VRK3: variants seen among roughly 807,000 people sequenced by gnomAD.
VRK3 encodes the protein serine/threonine-protein kinase VRK3.
Under a neutral mutation model 60.4 loss-of-function variants are expected in VRK3, and 50 were observed. The ratio of observed to expected loss-of-function variants is 0.83; its 90% CI spans 0.66 to 1.05. The LOEUF (loss-of-function observed/expected upper bound fraction) is 1.05. VRK3 is among the 50% of genes least tolerant of loss of function. The pLI is 0.00. For missense variants in VRK3, 549 were observed against 585.3 expected, an observed-to-expected ratio of 0.94 and a Z score of 0.64; for synonymous variants, 246 against 227.8, an observed-to-expected ratio of 1.08 and a Z score of -0.72.
At position 50,005,702 on chromosome 19, in the gene VRK3, C is replaced by T. The variant is rs115785556; in HGVS notation, c.547+1867G>A. 2.6e-4 allele frequency among the ~76,000 whole-genome samples: 39 copies of T among 149,732 alleles called. 4 individuals carry two copies. The highest frequency in any genetic ancestry group is 9.5e-4 in the African/African-American group (37 of 39,034). ...ATATCACGCAGCCATAAAAGGAGTG[C>T]GGCAGTGACGCGCCACAGCATGGAT... is the stretch of plus-strand genomic sequence containing the variant. On this transcript the variant is annotated intron_variant, in intron 5 of 14. Coordinates refer to ENST00000316763, the MANE Select transcript of VRK3 (RefSeq NM_016440.4).
chr19:50,009,803 G>C (rs1600708798), intron 3 of VRK3, among the ~76,000 whole-genome samples: 1 of 152,138 alleles, frequency 6.6e-6, no homozygotes, highest in East Asian at 1.9e-4. Context: ...CTGTAATGTT[G>C]CTAATTTTTA....
intron 4 of VRK3, 25 bp from the exon 5 acceptor site, chr19:50,007,851 T>C (rs3816033): frequency 0.2 from 318,434 of 1,612,890 alleles, 33,363 homozygotes; most frequent in East Asian, 0.33. Context: ...AAGAATAAAG[T>C]AAAAGCACCA....
chr19:49,984,493 CCTG>C (rs1342881375), intron 12 of VRK3, among the ~76,000 whole-genome samples: 2 of 152,214 alleles, frequency 1.3e-5, no homozygotes, highest in African/African-American at 4.8e-5. Flanking sequence ...ACCTGCAGCT[CCTG>C]CTTCCTGTCC....
rs762220342 is a variant in VRK3, at chr19:50,016,234, G to A, written c.-1-71C>T. ...AGGTCAGTGGAAGTATTGTTGAACT[G>A]CTCTTAATCACAGGGTGAGTGGCAG... On this transcript the variant is annotated intron_variant, in intron 2 of 14. Transcript: ENST00000316763. 2.9e-4 allele frequency: 463 copies of A among 1,586,770 alleles called. 2 individuals are homozygous for A. The highest frequency in any genetic ancestry group is 3.3e-4 in the Middle Eastern group (2 of 6,004).
chr19:50,010,828 G>A (rs527709415), intron 3 of VRK3, among the ~76,000 whole-genome samples: 14 of 152,152 alleles, frequency 9.2e-5, no homozygotes, highest in Non-Finnish European at 1.9e-4. Flanking sequence ...CAGGAGAATC[G>A]CTTGAACACG....
At chr19:50,021,005 C>T (rs2122686029) in intron 1 of VRK3, among the ~76,000 whole-genome samples, 1 of 152,326 alleles carries the variant, frequency 6.6e-6, no homozygotes, top group South Asian at 2.1e-4. Context: ...GGTCACTATT[C>T]ACACAGGGTG....
intron 5 of VRK3, among the ~76,000 whole-genome samples, chr19:50,004,016 C>G (rs1438707445): frequency 6.6e-6 from 1 of 152,224 alleles, no homozygotes; most frequent in Non-Finnish European, 1.5e-5. Context: ...GCCTGGCCAA[C>G]ATAGTGAGAT....
chr19:49,989,740 C>A lies in VRK3; in HGVS notation c.995G>T (p.Arg332Leu). Reference sequence around the variant, plus strand: ...CACGTGTTTGCCACTTGGGCAATAGCGGAAGGCGAAGCCATAGCCTGCCAA... The same window carrying A: ...CACGTGTTTGCCACTTGGGCAATAGAGGAAGGCGAAGCCATAGCCTGCCAA... ...VTLAGYGFAFRYCPSGKHVAY... is the reference protein window; with the variant it reads ...VTLAGYGFAFLYCPSGKHVAY... The change falls in exon 11 of 15, where the codon CGC (arginine) becomes CTC (leucine). Residue 332 changes from arginine (R) to leucine (L), a missense_variant. Coordinates refer to ENST00000316763, the MANE Select transcript of VRK3 (RefSeq NM_016440.4). 2.5e-6 allele frequency: 4 copies of A among 1,612,784 alleles called. No individual in the cohort carries two copies. The highest frequency in any genetic ancestry group is 3.4e-6 in the Non-Finnish European group (4 of 1,179,398).
chr19:50,003,612 T>C (rs1376490467), intron 5 of VRK3, among the ~76,000 whole-genome samples: 1 of 152,266 alleles, frequency 6.6e-6, no homozygotes, highest in African/African-American at 2.4e-5. Context: ...GCTTAGAGCA[T>C]GGCGCAGAGA....
intron 9 of VRK3, among the ~76,000 whole-genome samples, chr19:49,994,507 C>CT (rs2076667227): frequency 6.6e-6 from 1 of 152,260 alleles, no homozygotes. Context: ...CCACCCAGCA[C>CT]TTTGCTATTT....
chr19:50,013,802 C>T (rs1250018170), intron 3 of VRK3, among the ~76,000 whole-genome samples: 1 of 152,154 alleles, frequency 6.6e-6, no homozygotes, highest in Non-Finnish European at 1.5e-5. Flanking sequence ...CCTTATGGAG[C>T]TTACAGAAGA....
At chr19:49,988,334 T>C (rs752239742) in intron 12 of VRK3, 38 bp downstream of exon 12, 2 of 1,570,648 alleles carry the variant, frequency 1.3e-6, no homozygotes, top group Non-Finnish European at 1.7e-6. Context: ...GGGGTTCTGC[T>C]GACCACCTGC....
Position 50,006,579 on chromosome 19 carries a change from G to A in VRK3, c.547+990C>T, listed in dbSNP as rs985878411. Among the ~76,000 whole-genome samples the A allele has an allele frequency of 1.3e-4, 20 of 152,110 alleles. No homozygotes were observed. The South Asian group carries it at 1.5e-3, about 11-fold the overall frequency. Reference sequence around the variant, plus strand: ...TTTAGTAGAGACAGGGTTTCACCGCGTTAGCCAGGATGGTCTCGATCTCCT... The same window carrying A: ...TTTAGTAGAGACAGGGTTTCACCGCATTAGCCAGGATGGTCTCGATCTCCT... On this transcript the variant is annotated intron_variant, in intron 5 of 14. Transcript: ENST00000316763.
chr19:50,018,361 C>T (rs1043511576), intron 2 of VRK3, among the ~76,000 whole-genome samples: 2 of 152,164 alleles, frequency 1.3e-5, no homozygotes, highest in Non-Finnish European at 2.9e-5. Context: ...TTCTGAGCTC[C>T]TCAGGCCTGT....
At chr19:49,991,518 T>TACACACACACACACACACACACACACAC (rs937491646) in intron 10 of VRK3, among the ~76,000 whole-genome samples, 3 of 150,718 alleles carry the variant, frequency 2.0e-5, no homozygotes, top group African/African-American at 7.4e-5. Flanking sequence ...AATAAATCTC[T>TACACACACACACACACACACACACACAC]ACACACACAC....
intron 13 of VRK3, 37 bp downstream of exon 13, chr19:49,980,918 C>T (rs774873911): frequency 1.5e-5 from 24 of 1,588,600 alleles, no homozygotes; most frequent in East Asian, 1.1e-4. Flanking sequence ...AGGTCCTGCC[C>T]GAGTCCCCGC....
chr19:50,024,126 TG>T (rs959184745), intron 1 of VRK3, among the ~76,000 whole-genome samples: 1 of 152,066 alleles, frequency 6.6e-6, no homozygotes, highest in African/African-American at 2.4e-5. Context: ...TTAGTAGAGA[TG>T]GGGTTTCACC....
At chr19:50,016,934 A>G (rs2077088595) in intron 2 of VRK3, among the ~76,000 whole-genome samples, 1 of 152,002 alleles carries the variant, frequency 6.6e-6, no homozygotes, top group Admixed American at 6.5e-5. Context: ...TCAAGCCTGT[A>G]ATCCCAGCGC....
At chr19:49,984,441 G>A (rs1487332229) in intron 12 of VRK3, among the ~76,000 whole-genome samples, 1 of 152,060 alleles carries the variant, frequency 6.6e-6, no homozygotes, top group Non-Finnish European at 1.5e-5. Flanking sequence ...GGGGTCCTGT[G>A]CCTCCCCTCT....
Sources: allele counts gnomAD v4.1 joint callset (sites outside exome capture counted in the v4.1 genomes callset), GRCh38; gene constraint gnomAD v4.1.1; transcripts MANE v1.5; gene names NCBI Gene and HGNC (gene_info 2026-07-23, HGNC 2026-07-21).